DBH: variants seen among roughly 807,000 people sequenced by gnomAD.
The protein encoded by DBH is dopamine beta-hydroxylase (dopamine beta-monooxygenase).
DBH carries 49 observed loss-of-function variants against 64.0 expected under a neutral mutation model. The observed-to-expected ratio is 0.77, with a 90% CI of 0.61 to 0.97. The LOEUF is 0.97. DBH is among the 50% of genes least tolerant of loss of function. The pLI, the probability that DBH is intolerant of heterozygous loss-of-function variation, is 0.00. For synonymous variants in DBH, 343 were observed against 347.1 expected (o/e 0.99, Z 0.13); for missense variants, 828 against 826.6 (o/e 1.00, Z -0.02).
intron 2 of DBH, 44 bp from the exon 3 acceptor site, chr9:133,642,163 G>C: frequency 1.2e-6 from 2 of 1,608,724 alleles, no homozygotes; most frequent in Non-Finnish European, 1.7e-6. Flanking sequence ...CCCAACTCTG[G>C]GGGCTCTGAG....
In DBH at chr9:133,651,663, C is replaced by T. The variant is rs367783759; in HGVS notation, c.1221C>T (p.Phe407=). 598 of 1,613,848 alleles carry T rather than the reference C, an allele frequency of 3.7e-4. 6 individuals are homozygous for T. The South Asian group carries it at 6.0e-3, about 16-fold the overall frequency. The part of the protein sequence containing the change: ...LALPPSGIHI[F]ASQLHTHLTG... The stretch of plus-strand genomic sequence containing the variant: ...TGCCTCCCTCCGGGATCCACATCTT[C>T]GCCTCTCAGCTCCACACACACCTGA... The change falls in exon 7 of 12, where the codon TTC becomes TTT. Residue 407 remains phenylalanine, a synonymous_variant. Transcript: ENST00000393056.
intron 10 of DBH, 126 bp from the exon 11 acceptor site, chr9:133,656,943 TG>T (rs1832329582): frequency 8.7e-7 from 1 of 1,144,972 alleles, no homozygotes; most frequent in Non-Finnish European, 1.3e-6. Flanking sequence ...GCAGCGGGGC[TG>T]GGGAGGAGGT....
chr9:133,657,060 T>G lies in DBH; in HGVS notation c.1563-10T>G, dbSNP rs754522805. On this transcript the variant is annotated splice_polypyrimidine_tract_variant and intron_variant, in intron 10 of 11. Coordinates refer to ENST00000393056, the MANE Select transcript of DBH (RefSeq NM_000787.4). The stretch of plus-strand genomic sequence containing the variant: ...TGCTCCCCAGCCTGGCTGTTCCTTG[T>G]CCCCACCAGGTTCAACAACGAGGAT... The G allele has an allele frequency of 6.2e-7, 1 of 1,613,676 alleles. No individual in the cohort carries two copies.
chr9:133,654,116 A>ATTT (rs10634261), intron 9 of DBH, among the ~76,000 whole-genome samples: 49,000 of 151,296 alleles, frequency 0.32, 8,290 homozygotes, highest in East Asian at 0.45. Context: ...ATTTTATTTT[A>ATTT]TATTTTATTT....
intron 2 of DBH, among the ~76,000 whole-genome samples, chr9:133,640,948 G>A (rs1173435217): frequency 6.6e-6 from 1 of 152,218 alleles, no homozygotes; most frequent in Non-Finnish European, 1.5e-5. Context: ...GGTGGCCGGG[G>A]TGGTCTCTAG....
chr9:133,647,649 C>T (rs567470945), intron 5 of DBH, among the ~76,000 whole-genome samples, 197 bp from the exon 6 acceptor site: 5 of 152,312 alleles, frequency 3.3e-5, no homozygotes, highest in South Asian at 2.1e-4. Context: ...ATTGATCTTG[C>T]GAGCTGCCTG....
In DBH at chr9:133,636,536, G is replaced by A. The variant is rs139591190; in HGVS notation, c.165G>A (p.Pro55=). ...TCCCCTATCACATCCCCCTGGACCCGGAGGGGTCCCTGGAGCTCTCATGGA... is the reference window on the plus strand; with the variant it reads ...TCCCCTATCACATCCCCCTGGACCCAGAGGGGTCCCTGGAGCTCTCATGGA... ...SPLPYHIPLD[P]EGSLELSWNV... is the part of the protein sequence containing the mutation. The change falls in exon 1 of 12, where the codon CCG becomes CCA. Residue 55 remains proline, a synonymous_variant. Transcript: ENST00000393056. 462 of 1,613,378 alleles carry A rather than the reference G, an allele frequency of 2.9e-4. No homozygotes were observed. Among genetic ancestry groups the A allele is most frequent in the Admixed American group, 1.2e-3 (73 of 60,010 alleles).
chr9:133,641,444 A>T (rs919917234), intron 2 of DBH, among the ~76,000 whole-genome samples: 1 of 152,248 alleles, frequency 6.6e-6, no homozygotes, highest in Admixed American at 6.5e-5. Context: ...CAGGCCAGGT[A>T]TAGGGGCCTT....
intron 3 of DBH, among the ~76,000 whole-genome samples, chr9:133,642,907 C>A (rs910455474): frequency 6.6e-6 from 1 of 152,134 alleles, no homozygotes; most frequent in South Asian, 2.1e-4. Flanking sequence ...CGAGGTGATC[C>A]CTCCTTCATC....
Position 133,643,044 on chromosome 9 carries a change from C to T in DBH, c.745-369C>T, listed in dbSNP as rs1832135609. Among the ~76,000 whole-genome samples, 1 of 152,198 alleles carries T rather than the reference C, an allele frequency of 6.6e-6. No homozygotes were observed. The highest frequency in any genetic ancestry group is 2.4e-5 in the African/African-American group (1 of 41,440). ...GAGGTTATGTGAGTGTCCAGAGTCA[C>T]ACAGCAGGAAGAGGCATGGCCTTGA... On this transcript the variant is annotated intron_variant, in intron 3 of 11. Transcript: ENST00000393056. This position sits in a 1 kb window ranked among gnomAD's most constrained non-coding sequence, Gnocchi z 5.3.
chr9:133,642,259 T>C lies in DBH; in HGVS notation c.539T>C (p.Leu180Pro). The C allele has an allele frequency of 1.9e-6, 3 of 1,613,996 alleles. No homozygotes were observed. Among genetic ancestry groups the C allele is most frequent in the Non-Finnish European group, 1.7e-6 (2 of 1,180,008 alleles). ...ATCCTGGAGGAGCCGTTCCGGTCAC[T>C]GGAGGCCATCAACGGCTCGGGCCTG... ...YGILEEPFRSLEAINGSGLQM... is the reference protein window; with the variant it reads ...YGILEEPFRSPEAINGSGLQM... Residue 180 changes from leucine to proline, a missense_variant, in exon 3 of 12, where the codon CTG (leucine) becomes CCG (proline). Transcript: ENST00000393056.
intron 5 of DBH, among the ~76,000 whole-genome samples, chr9:133,644,583 A>T (rs909767707): frequency 6.6e-5 from 10 of 152,222 alleles, no homozygotes; most frequent in African/African-American, 2.4e-4. Flanking sequence ...CGTCCCTATA[A>T]TACGGGCTGC....
intron 6 of DBH, among the ~76,000 whole-genome samples, chr9:133,648,735 T>A (rs1474678970): frequency 6.6e-6 from 1 of 152,262 alleles, no homozygotes; most frequent in East Asian, 1.9e-4. Flanking sequence ...TGTCCTTGGC[T>A]TCTGGTGAGT....
At chr9:133,653,777 C>T (rs1245388488) in intron 9 of DBH, among the ~76,000 whole-genome samples, 1 of 152,198 alleles carries the variant, frequency 6.6e-6, no homozygotes, top group Non-Finnish European at 1.5e-5. Flanking sequence ...CACGGGCAGC[C>T]ACGTGATGCA....
At chr9:133,658,278 CT>C in intron 11 of DBH, 37 bp from the exon 12 acceptor site, 1 of 1,612,804 alleles carries the variant, frequency 6.2e-7, no homozygotes. Flanking sequence ...CATCTTGCCC[CT>C]CCAGCCTCAG....
chr9:133,648,369 C>T (rs760721380), intron 6 of DBH, among the ~76,000 whole-genome samples: 16 of 152,330 alleles, frequency 1.1e-4, no homozygotes, highest in South Asian at 2.1e-4. Context: ...TCCCCTCATC[C>T]GCTGCCGCCT....
In DBH at chr9:133,644,327, G is replaced by A. The variant is rs894592491; in HGVS notation, c.1024+7G>A. On this transcript the variant is annotated splice_region_variant and intron_variant, in intron 5 of 11. Coordinates refer to ENST00000393056, the MANE Select transcript of DBH (RefSeq NM_000787.4). ...AACCCACTGGTGATAGAAGGTAGGC[G>A]GCTCTGCTGCCATCCTCCTCAGAAG... 9.3e-6 allele frequency: 15 copies of A among 1,608,402 alleles called. No individual in the cohort carries two copies. The Middle Eastern group carries it at 1.5e-3, about 159-fold the overall frequency.
chr9:133,656,375 G>C (rs536846266), intron 9 of DBH, 148 bp from the exon 10 acceptor site: 1 of 1,053,524 alleles, frequency 9.5e-7, no homozygotes, highest in South Asian at 1.4e-5. Context: ...ATTCCTTGAG[G>C]GCAGGGACTC....
At chr9:133,656,946 G>A (rs1832329620) in intron 10 of DBH, 124 bp from the exon 11 acceptor site, 1 of 1,165,744 alleles carries the variant, frequency 8.6e-7, no homozygotes, top group Non-Finnish European at 1.3e-6. Context: ...GCGGGGCTGG[G>A]GAGGAGGTGG....
Sources: allele counts gnomAD v4.1 joint callset (sites outside exome capture counted in the v4.1 genomes callset), GRCh38; gene constraint gnomAD v4.1.1; non-coding constraint Gnocchi (gnomAD v3.1); transcripts MANE v1.5; gene names NCBI Gene and HGNC (gene_info 2026-07-23, HGNC 2026-07-21).